Variants in SYT14 observed in about 807,000 individuals in gnomAD.
The protein encoded by SYT14 is synaptotagmin-14.
A neutral mutation model predicts 74.2 loss-of-function variants in SYT14; 32 were observed. That is an observed-to-expected ratio of 0.43 (90% CI 0.33 to 0.58). SYT14 has a LOEUF of 0.58. SYT14 is among the 20% of genes least tolerant of loss of function. SYT14 has a pLI of 0.05. For synonymous variants in SYT14, 298 were observed against 337.7 expected (o/e 0.88, Z 1.29); for missense variants, 791 against 981.8 (o/e 0.81, Z 2.60).
chr1:209,991,305 C>A (rs942107379), intron 2 of SYT14, among the ~76,000 whole-genome samples: 1 of 152,128 alleles, frequency 6.6e-6, no homozygotes, highest in African/African-American at 2.4e-5. Context: ...TGAAAAGCTT[C>A]TGCACAGTAA....
intron 7 of SYT14, among the ~76,000 whole-genome samples, chr1:210,101,965 G>A (rs969300545): frequency 1.3e-5 from 2 of 152,102 alleles, no homozygotes; most frequent in Admixed American, 6.6e-5. Flanking sequence ...TTCAAACTAA[G>A]CAATTTTTTA....
intron 4 of SYT14, among the ~76,000 whole-genome samples, chr1:210,019,441 T>C (rs1419011071): frequency 6.6e-6 from 1 of 152,240 alleles, no homozygotes; most frequent in Non-Finnish European, 1.5e-5. Flanking sequence ...TGCATGTGGC[T>C]GTTGAGCACT....
At chr1:210,095,053 G>A (rs1468087090) in intron 6 of SYT14, among the ~76,000 whole-genome samples, 1 of 152,056 alleles carries the variant, frequency 6.6e-6, no homozygotes, top group Non-Finnish European at 1.5e-5. Flanking sequence ...AATGAAATTT[G>A]AATCCATGGC....
chr1:210,059,451 T>TATAGGGAG (rs377050610), intron 5 of SYT14, among the ~76,000 whole-genome samples: 2 of 69,892 alleles, frequency 2.9e-5, no homozygotes, highest in African/African-American at 1.6e-4. Flanking sequence ...TATATATATA[T>TATAGGGAG]AGAGAGAGAG....
chr1:210,008,643 G>A (rs1027138162), intron 2 of SYT14, among the ~76,000 whole-genome samples: 17 of 152,166 alleles, frequency 1.1e-4, no homozygotes, highest in African/African-American at 2.7e-4. Context: ...GATTACAGGC[G>A]TGAGCCACCA....
chr1:210,156,309 T>G (rs2083265811), intron 8 of SYT14, among the ~76,000 whole-genome samples: 1 of 152,212 alleles, frequency 6.6e-6, no homozygotes, highest in South Asian at 2.1e-4. Context: ...CTATTTTATT[T>G]ACTTCTATAT....
intron 5 of SYT14, among the ~76,000 whole-genome samples, chr1:210,072,021 T>A (rs948253444): frequency 1.3e-5 from 2 of 151,858 alleles, no homozygotes; most frequent in Non-Finnish European, 2.9e-5. Context: ...GATTGTCATA[T>A]TGGCTTATTT....
rs540376492 is a variant in SYT14, at chr1:209,994,932, T to C, written c.-485-18701T>C. On this transcript the variant is annotated intron_variant, in intron 2 of 9. Transcript: ENST00000637265. ...GAGAAATAAAATCTTCATCAGATTT[T>C]AAGCAAATGCTGAGGAAATTTGTTT... Among the ~76,000 whole-genome samples the C allele has an allele frequency of 3.9e-5, 6 of 152,326 alleles. No homozygotes were observed. In the South Asian group the frequency reaches 1.2e-3, roughly 32 times the overall value.
intron 5 of SYT14, among the ~76,000 whole-genome samples, chr1:210,080,539 T>C (rs2081598223): frequency 6.6e-6 from 1 of 152,164 alleles, no homozygotes; most frequent in South Asian, 2.1e-4. Flanking sequence ...TTCACTGCCC[T>C]GCCAGTCATG....
intron 7 of SYT14, among the ~76,000 whole-genome samples, chr1:210,109,543 A>G (rs944855424): frequency 1.3e-5 from 2 of 149,172 alleles, no homozygotes; most frequent in Admixed American, 1.4e-4. Context: ...GCAGCACTGC[A>G]TTCCAGCTTG....
At chr1:210,080,812 C>T (rs936421711) in intron 5 of SYT14, among the ~76,000 whole-genome samples, 5 of 152,302 alleles carry the variant, frequency 3.3e-5, no homozygotes, top group Admixed American at 6.5e-5. Flanking sequence ...CTTAGGACCA[C>T]TTAACCCAAC....
chr1:210,142,317 A>G (rs2082932088), intron 7 of SYT14, among the ~76,000 whole-genome samples: 1 of 152,166 alleles, frequency 6.6e-6, no homozygotes, highest in Non-Finnish European at 1.5e-5. Flanking sequence ...TTCTCACAGT[A>G]TTGAGCCATT....
chr1:210,141,720 A>G (rs879809307), intron 7 of SYT14, among the ~76,000 whole-genome samples: 5 of 152,210 alleles, frequency 3.3e-5, no homozygotes, highest in Non-Finnish European at 5.9e-5. Flanking sequence ...GGTTCTGTGT[A>G]TATTGAGCCA....
intron 1 of SYT14, among the ~76,000 whole-genome samples, chr1:209,941,526 G>A (rs2078729994): frequency 6.6e-6 from 1 of 152,062 alleles, no homozygotes; most frequent in African/African-American, 2.4e-5. Flanking sequence ...ACACTTTTTT[G>A]TTGTATTTGA....
chr1:209,959,719 T>C (rs1234368146), intron 2 of SYT14, among the ~76,000 whole-genome samples: 1 of 152,146 alleles, frequency 6.6e-6, no homozygotes, highest in East Asian at 1.9e-4. Context: ...ATGTGTAGAA[T>C]AGACAAATCT....
chr1:210,052,266 G>A (rs2081010640), intron 5 of SYT14, among the ~76,000 whole-genome samples: 2 of 151,460 alleles, frequency 1.3e-5, no homozygotes. Context: ...TGTCGCCCAG[G>A]CTGGAGTGCA....
At chr1:210,127,623 T>G (rs1382817847) in intron 7 of SYT14, among the ~76,000 whole-genome samples, 1 of 152,228 alleles carries the variant, frequency 6.6e-6, no homozygotes, top group Non-Finnish European at 1.5e-5. Flanking sequence ...GGTCTTCAAA[T>G]TCATGCTTTA....
intron 8 of SYT14, among the ~76,000 whole-genome samples, chr1:210,157,293 T>G (rs2083287684): frequency 6.6e-6 from 1 of 150,582 alleles, no homozygotes; most frequent in East Asian, 2.0e-4. Context: ...AATTTAAAAA[T>G]TAGTCAGGCA....
At chr1:210,155,655 A>G in intron 7 of SYT14, 66 bp from the exon 7 acceptor site, 2 of 1,545,568 alleles carry the variant, frequency 1.3e-6, no homozygotes, top group Non-Finnish European at 1.8e-6. Flanking sequence ...TAAACATGGC[A>G]TAACAATATA....
Sources: gnomAD v4.1 joint callset for allele counts (sites outside exome capture counted in the v4.1 genomes callset) on GRCh38, gnomAD v4.1.1 for gene constraint, MANE v1.5 for transcripts, NCBI Gene and HGNC (gene_info 2026-07-23, HGNC 2026-07-21) for gene names.